RANBP9: variants seen among roughly 807,000 people sequenced by gnomAD.
The protein encoded by RANBP9 is RAN binding protein 9, also known as ran-binding protein 9.
Under a neutral mutation model 84.3 loss-of-function variants are expected in RANBP9, and 15 were observed. That is an observed-to-expected ratio of 0.18 (90% CI 0.12 to 0.27). The LOEUF (loss-of-function observed/expected upper bound fraction) is 0.27. Ranked by LOEUF, RANBP9 falls within the 10% of genes least tolerant of loss-of-function variation. The probability of loss-of-function intolerance (pLI) is 1.00; values close to 1 mark genes in which losing one functional copy is unlikely to be tolerated. For missense variants in RANBP9, 809 were observed against 912.8 expected, an observed-to-expected ratio of 0.89 and a Z score of 1.46; for synonymous variants, 392 against 349.6, an observed-to-expected ratio of 1.12 and a Z score of -1.35.
intron 2 of RANBP9, among the ~76,000 whole-genome samples, chr6:13,695,401 G>GTTTTTT (rs773285024): frequency 1.2e-5 from 1 of 84,808 alleles, no homozygotes; most frequent in African/African-American, 4.8e-5. Context: ...CCAACCAAAT[G>GTTTTTT]TTTTTTTTTT....
chr6:13,670,170 G>T (rs1269405195), intron 2 of RANBP9, among the ~76,000 whole-genome samples: 1 of 152,118 alleles, frequency 6.6e-6, no homozygotes, highest in African/African-American at 2.4e-5. Flanking sequence ...GCACATGCCT[G>T]TAGTCCCAGC....
At chr6:13,710,889 C>A in intron 1 of RANBP9, 46 bp downstream of exon 1, 1 of 1,539,600 alleles carries the variant, frequency 6.5e-7, no homozygotes, top group Non-Finnish European at 8.8e-7. Context: ...CGGCCGGCCA[C>A]GTCGGGTCAG....
chr6:13,635,856 G>A (rs532501035), intron 10 of RANBP9, among the ~76,000 whole-genome samples: 11 of 149,584 alleles, frequency 7.4e-5, no homozygotes, highest in African/African-American at 1.2e-4. Flanking sequence ...GAAGGAACTC[G>A]TTCATTTAAC....
intron 11 of RANBP9, among the ~76,000 whole-genome samples, chr6:13,633,859 C>T (rs1764860718): frequency 6.6e-6 from 1 of 152,026 alleles, no homozygotes; most frequent in Non-Finnish European, 1.5e-5. Context: ...GCTGATGGGA[C>T]AGGCAATTTA....
At chr6:13,652,979 TAGAAAAC>T (rs1765327489) in intron 4 of RANBP9, among the ~76,000 whole-genome samples, 1 of 152,176 alleles carries the variant, frequency 6.6e-6, no homozygotes, top group African/African-American at 2.4e-5. Context: ...AAAGCTACAT[TAGAAAAC>T]ACATTAAGAA....
intron 1 of RANBP9, among the ~76,000 whole-genome samples, chr6:13,708,387 C>G (rs1233883304): frequency 6.6e-6 from 1 of 152,192 alleles, no homozygotes; most frequent in Non-Finnish European, 1.5e-5. Context: ...GATCGCACCA[C>G]TGCACTCCAT....
intron 2 of RANBP9, among the ~76,000 whole-genome samples, chr6:13,667,804 A>G (rs1327310069): frequency 6.6e-6 from 1 of 152,180 alleles, no homozygotes; most frequent in Non-Finnish European, 1.5e-5. Flanking sequence ...ATTCTATGAT[A>G]TTCCTACAAT....
At chr6:13,669,756 C>CT (rs937580116) in intron 2 of RANBP9, among the ~76,000 whole-genome samples, 3 of 152,062 alleles carry the variant, frequency 2.0e-5, no homozygotes, top group Non-Finnish European at 1.5e-5. Flanking sequence ...GCCTGGCTAA[C>CT]TTTTTTTCGC....
At chr6:13,652,313 C>G (rs1033322919) in intron 5 of RANBP9, among the ~76,000 whole-genome samples, 1 of 152,186 alleles carries the variant, frequency 6.6e-6, no homozygotes, top group Non-Finnish European at 1.5e-5. Flanking sequence ...CATAGTAGGC[C>G]TCTATATAGC....
chr6:13,626,449 T>C (rs77148931), intron 12 of RANBP9, among the ~76,000 whole-genome samples: 3,011 of 152,316 alleles, frequency 0.02, 52 homozygotes, highest in South Asian at 0.038. Flanking sequence ...CCTTTGGCAA[T>C]TGACAATCTA....
rs7772022 is a variant in RANBP9, at chr6:13,657,964, C to T, written c.737-688G>A. Among the ~76,000 whole-genome samples, 508 of 152,220 alleles carry T rather than the reference C, an allele frequency of 3.3e-3. 2 individuals carry two copies. The highest frequency in any genetic ancestry group is 0.012 in the African/African-American group (494 of 41,544). On this transcript the variant is annotated intron_variant, in intron 3 of 13. Transcript: ENST00000011619. The stretch of plus-strand genomic sequence containing the variant: ...ATGTAGTTTGACATTGACAGTTTTG[C>T]CTTGTACTTCAAAAAGTCTCGCCAA...
intron 12 of RANBP9, among the ~76,000 whole-genome samples, chr6:13,627,584 CA>C (rs1428532241): frequency 7.0e-6 from 1 of 142,080 alleles, no homozygotes; most frequent in East Asian, 2.1e-4. Context: ...GAGCCAAGAT[CA>C]CGCCACTGCA....
rs781308116 is a variant in RANBP9 at position 13,634,561 on chromosome 6, GA to G, written c.1674-10del. 1 of 1,585,320 alleles carries G rather than the reference GA, an allele frequency of 6.3e-7. No individual in the cohort carries two copies. Among genetic ancestry groups the G allele is most frequent in the East Asian group, 2.3e-5 (1 of 44,350 alleles). Reference sequence around the variant, plus strand: ...CCATGTCTACATCATTACTGAAAACGAAAAAACAAACCTAATTTTAGAAATA... The same window carrying G: ...CCATGTCTACATCATTACTGAAAACGAAAAACAAACCTAATTTTAGAAATA... On this transcript the variant is annotated splice_polypyrimidine_tract_variant and intron_variant, in intron 10 of 13. Coordinates refer to ENST00000011619, the MANE Select transcript of RANBP9 (RefSeq NM_005493.3).
intron 5 of RANBP9, among the ~76,000 whole-genome samples, chr6:13,647,649 A>G (rs1765201707): frequency 6.6e-6 from 1 of 152,206 alleles, no homozygotes. Flanking sequence ...CAAACATTAT[A>G]GCCAAAGAGA....
intron 2 of RANBP9, among the ~76,000 whole-genome samples, chr6:13,692,820 T>G (rs1252708104): frequency 6.6e-6 from 1 of 151,998 alleles, no homozygotes; most frequent in Non-Finnish European, 1.5e-5. Context: ...GCCACTGCAC[T>G]CCAGCCTGGG....
chr6:13,683,392 A>G (rs561471527), intron 2 of RANBP9, among the ~76,000 whole-genome samples: 3 of 152,332 alleles, frequency 2.0e-5, no homozygotes, highest in East Asian at 3.9e-4. Flanking sequence ...GGACAAAACT[A>G]TATACAATCT....
chr6:13,627,747 TA>T (rs1260459860), intron 12 of RANBP9, among the ~76,000 whole-genome samples: 1 of 151,722 alleles, frequency 6.6e-6, no homozygotes, highest in African/African-American at 2.4e-5. Context: ...CAGATAAATT[TA>T]AAAAGAAATA....
intron 1 of RANBP9, among the ~76,000 whole-genome samples, chr6:13,705,612 A>G (rs1758088800): frequency 6.6e-6 from 1 of 152,014 alleles, no homozygotes; most frequent in Non-Finnish European, 1.5e-5. Context: ...CTGTAATCCC[A>G]GCACTTTGGG....
intron 1 of RANBP9, among the ~76,000 whole-genome samples, chr6:13,710,315 GCT>G (rs1346689712): frequency 6.6e-6 from 1 of 152,048 alleles, no homozygotes; most frequent in Non-Finnish European, 1.5e-5. Flanking sequence ...GTAGGTTTCT[GCT>G]CCCCTAAGAA....
Sources: gnomAD v4.1 joint callset for allele counts (sites outside exome capture counted in the v4.1 genomes callset) on GRCh38, gnomAD v4.1.1 for gene constraint, MANE v1.5 for transcripts, NCBI Gene and HGNC (gene_info 2026-07-23, HGNC 2026-07-21) for gene names.